The following TALDO1 variants were observed in gnomAD, a reference collection of about 807,000 sequenced individuals.
TALDO1 encodes transaldolase.
In TALDO1, 29 loss-of-function variants were observed where a neutral mutation model predicts 38.1. That is an observed-to-expected ratio of 0.76 (90% CI 0.57 to 1.04). The LOEUF is 1.04. TALDO1 is among the 50% of genes least tolerant of loss of function. The probability of loss-of-function intolerance (pLI) is 0.00; values close to 1 mark genes in which losing one functional copy is unlikely to be tolerated. For synonymous variants in TALDO1, 207 were observed against 176.8 expected (o/e 1.17, Z -1.36); for missense variants, 499 against 438.1 (o/e 1.14, Z -1.24).
At position 764,347 on chromosome 11, in the gene TALDO1, A is replaced by G. The variant is rs1297500443; in HGVS notation, c.895A>G (p.Asn299Asp). 6.2e-7 allele frequency: 1 copy of G among 1,614,224 alleles called. No homozygotes were observed. Among genetic ancestry groups the G allele is most frequent in the South Asian group, 1.1e-5 (1 of 91,086 alleles). ...TGAGAAGTCTTTCCGTTGGTTGCAC[A>G]ACGAGGACCAGATGGCTGTGGAGAA... ...LDEKSFRWLHNEDQMAVEKLS... is the reference protein window; with the variant it reads ...LDEKSFRWLHDEDQMAVEKLS... Residue 299 changes from asparagine to aspartate, a missense_variant, in exon 7 of 8, where the codon AAC becomes GAC. Asn to Asp is a conservative substitution (Grantham distance 23). Coordinates refer to ENST00000319006, the MANE Select transcript of TALDO1 (RefSeq NM_006755.2).
At position 763,850 on chromosome 11, in the gene TALDO1, G is replaced by T; in HGVS notation, c.741G>T (p.Leu247=). The T allele has an allele frequency of 1.2e-6, 2 of 1,613,996 alleles. No homozygotes were observed. Among genetic ancestry groups the T allele is most frequent in the Non-Finnish European group, 1.7e-6 (2 of 1,180,022 alleles). ...GCAACACGGGCGAGATCAAAGCACT[G>T]GCCGGCTGTGACTTCCTCACCATCT... is the stretch of plus-strand genomic sequence containing the variant. ...SFRNTGEIKA[L]AGCDFLTISP... Residue 247 remains leucine (L), a synonymous_variant, in exon 6 of 8, where the codon CTG becomes CTT. Transcript: ENST00000319006.
At chr11:756,209 T>A (rs1039487898) in intron 2 of TALDO1, 1 of 722,366 alleles carries the variant, frequency 1.4e-6, no homozygotes, top group South Asian at 1.9e-5. Context: ...TCAGAGAGTT[T>A]TGCCAATGTG....
intron 2 of TALDO1, among the ~76,000 whole-genome samples, chr11:758,627 T>C (rs1342804303): frequency 6.6e-6 from 1 of 151,760 alleles, no homozygotes; most frequent in African/African-American, 2.4e-5. Context: ...TTTCTTGAGA[T>C]GGAGTCTCGC....
chr11:752,735 A>G (rs1453574992), intron 1 of TALDO1, among the ~76,000 whole-genome samples: 3 of 152,158 alleles, frequency 2.0e-5, no homozygotes, highest in Non-Finnish European at 4.4e-5. Context: ...CCTTTGTATA[A>G]TAAGCCAGTA....
At chr11:757,245 G>T (rs1018086440) in intron 2 of TALDO1, among the ~76,000 whole-genome samples, 5 of 151,842 alleles carry the variant, frequency 3.3e-5, no homozygotes, top group Admixed American at 3.3e-4. Flanking sequence ...GCTTGGCTGG[G>T]TGATCAACAG....
rs375231328 is a variant in TALDO1 at position 763,815 on chromosome 11, G to A, written c.706G>A (p.Ala236Thr). 3.7e-5 allele frequency: 60 copies of A among 1,613,912 alleles called. No individual in the cohort carries two copies. The highest frequency in any genetic ancestry group is 4.6e-5 in the Non-Finnish European group (54 of 1,180,028). ...KFSYKTIVMG[A>T]SFRNTGEIKA... ...TAGCTACAAAACCATTGTCATGGGC[G>A]CCTCCTTCCGCAACACGGGCGAGAT... Residue 236 changes from alanine (A) to threonine (T), a missense_variant, in exon 6 of 8, where the codon GCC (alanine) becomes ACC (threonine). Transcript: ENST00000319006.
Position 763,526 on chromosome 11 carries a change from G to T in TALDO1, c.637+7G>T, listed in dbSNP as rs1251076148. 3 of 1,613,474 alleles carry T rather than the reference G, an allele frequency of 1.9e-6. No homozygotes were observed. In the African/African-American group the frequency reaches 4.0e-5, roughly 22 times the overall value. ...GAGCCCCTGGAAGACCCTGGTGAGG[G>T]TCCCTCTGTGGTAATGGGGTAAGGG... On this transcript the variant is annotated splice_region_variant and intron_variant, in intron 5 of 7. Transcript: ENST00000319006.
intron 1 of TALDO1, among the ~76,000 whole-genome samples, chr11:747,881 G>C (rs1862688267): frequency 6.6e-6 from 1 of 152,200 alleles, no homozygotes; most frequent in African/African-American, 2.4e-5. Flanking sequence ...GCCGTGAGGG[G>C]CTCGGTGCTG....
chr11:763,893 G>A lies in TALDO1; in HGVS notation c.784G>A (p.Glu262Lys). The A allele has an allele frequency of 6.2e-7, 1 of 1,613,242 alleles. No homozygotes were observed. The highest frequency in any genetic ancestry group is 8.5e-7 in the Non-Finnish European group (1 of 1,180,014). Residue 262 changes from glutamate to lysine, a missense_variant, in exon 6 of 8, where the codon GAG (glutamate) becomes AAG (lysine). Coordinates refer to ENST00000319006, the MANE Select transcript of TALDO1 (RefSeq NM_006755.2). ...CACCATCTCACCCAAGCTCCTGGGA[G>A]AGCTGCTGCAGGACAACGCCAAGCT... ...FLTISPKLLG[E>K]LLQDNAKLVP...
intron 2 of TALDO1, chr11:756,343 A>AT (rs1365505465): frequency 3.4e-6 from 1 of 290,472 alleles, no homozygotes; most frequent in Non-Finnish European, 6.6e-6. Context: ...CTGTCATTTT[A>AT]TTTTTTACTT....
In TALDO1 at chr11:755,863, A is replaced by C; in HGVS notation, c.98-16A>C. The stretch of plus-strand genomic sequence containing the variant: ...AGTACTCCACTTACTTTGGCTTTTG[A>C]AAACTATTTCCCTAGCCATCGACGA... On this transcript the variant is annotated splice_polypyrimidine_tract_variant and intron_variant, in intron 1 of 7. Coordinates refer to ENST00000319006, the MANE Select transcript of TALDO1 (RefSeq NM_006755.2). The C allele has an allele frequency of 6.2e-7, 1 of 1,614,136 alleles. No individual in the cohort carries two copies. The highest frequency in any genetic ancestry group is 1.1e-5 in the South Asian group (1 of 91,082).
intron 4 of TALDO1, chr11:760,716 TG>T: frequency 5.3e-6 from 1 of 187,932 alleles, no homozygotes; most frequent in Non-Finnish European, 1.1e-5. Context: ...CAGACCAGCC[TG>T]GGCAACAAAG....
intron 4 of TALDO1, 86 bp downstream of exon 4, chr11:760,339 C>T (rs1862907972): frequency 1.3e-6 from 2 of 1,586,652 alleles, no homozygotes; most frequent in African/African-American, 1.3e-5. Flanking sequence ...AAGTTTGACT[C>T]TCTCAGCCCT....
chr11:764,777 G>A, intron 7 of TALDO1, 36 bp from the exon 8 acceptor site: 1 of 1,614,162 alleles, frequency 6.2e-7, no homozygotes, highest in East Asian at 2.2e-5. Context: ...AGAAGGTAGG[G>A]TGGGGAGACA....
intron 1 of TALDO1, among the ~76,000 whole-genome samples, chr11:748,585 T>C (rs745454452): frequency 5.3e-5 from 8 of 152,246 alleles, no homozygotes; most frequent in Non-Finnish European, 1.0e-4. Flanking sequence ...TCCTCTCTTT[T>C]CTGCTTTCTC....
Position 763,872 on chromosome 11 carries a change from A to G in TALDO1, c.763A>G (p.Ile255Val). 1 of 1,613,760 alleles carries G rather than the reference A, an allele frequency of 6.2e-7. No homozygotes were observed. Among genetic ancestry groups the G allele is most frequent in the Non-Finnish European group, 8.5e-7 (1 of 1,180,014 alleles). The change falls in exon 6 of 8, where the codon ATC becomes GTC. Residue 255 changes from isoleucine to valine, a missense_variant. Physicochemically the swap from Ile to Val is conservative, Grantham distance 29. Transcript: ENST00000319006. ...ACTGGCCGGCTGTGACTTCCTCACC[A>G]TCTCACCCAAGCTCCTGGGAGAGCT... Reference protein sequence around the residue: ...KALAGCDFLTISPKLLGELLQ... With the variant: ...KALAGCDFLTVSPKLLGELLQ...
chr11:749,754 A>G (rs748790487), intron 1 of TALDO1, among the ~76,000 whole-genome samples: 1 of 152,228 alleles, frequency 6.6e-6, no homozygotes. Context: ...AGCTGACTTT[A>G]TCCAGGGGTG....
In TALDO1 at chr11:763,398, C is replaced by A; in HGVS notation, c.516C>A (p.Phe172Leu). ...IHCNMTLLFSFAQAVACAEAG... is the reference protein window; with the variant it reads ...IHCNMTLLFSLAQAVACAEAG... ...GCAACATGACGTTACTCTTCTCCTTCGCCCAGGCTGTGGCCTGTGCCGAGG... is the reference window on the plus strand; with the variant it reads ...GCAACATGACGTTACTCTTCTCCTTAGCCCAGGCTGTGGCCTGTGCCGAGG... The change falls in exon 5 of 8, where the codon TTC (phenylalanine) becomes TTA (leucine). Residue 172 changes from phenylalanine (F) to leucine (L), a missense_variant. By Grantham distance (22) the Phe-to-Leu change is conservative. Transcript: ENST00000319006. The A allele has an allele frequency of 6.2e-7, 1 of 1,613,006 alleles. No individual in the cohort carries two copies. The highest frequency in any genetic ancestry group is 1.1e-5 in the South Asian group (1 of 91,032).
At chr11:750,445 G>A (rs577568800) in intron 1 of TALDO1, among the ~76,000 whole-genome samples, 15 of 151,592 alleles carry the variant, frequency 9.9e-5, no homozygotes, top group African/African-American at 3.1e-4. Context: ...CTGTGACTGC[G>A]CCACTGCACT....
Sources: gnomAD v4.1 joint callset for allele counts (sites outside exome capture counted in the v4.1 genomes callset) on GRCh38, gnomAD v4.1.1 for gene constraint, MANE v1.5 for transcripts, NCBI Gene and HGNC (gene_info 2026-07-23, HGNC 2026-07-21) for gene names.